Variants in PEX13 observed in about 807,000 individuals in gnomAD.
PEX13 encodes the protein peroxisome biogenesis factor 13.
PEX13 carries 28 observed loss-of-function variants against 34.5 expected under a neutral mutation model. The observed-to-expected ratio is 0.81, with a 90% CI of 0.60 to 1.11. The LOEUF is 1.11. Among genes scored for constraint, PEX13 ranks in the 50% most tolerant of loss-of-function variants. The pLI, the probability that PEX13 is intolerant of heterozygous loss-of-function variation, is 0.00. For missense variants in PEX13, 550 were observed against 491.0 expected (o/e 1.12, Z -1.13); for synonymous variants, 177 against 175.1 (o/e 1.01, Z -0.09).
chr2:61,017,720 A>T lies in PEX13; in HGVS notation c.-40A>T, dbSNP rs1254257951. 6.6e-7 allele frequency: 1 copy of T among 1,507,566 alleles called. No individual in the cohort carries two copies. The highest frequency in any genetic ancestry group is 9.0e-7 in the Non-Finnish European group (1 of 1,109,916). The allele number at this position is 1,507,566 out of a possible 1,614,324, so 93.4% of individuals were successfully genotyped here. A position where few individuals can be genotyped will look rare whatever the true frequency, so the allele number is the denominator to read the frequency against. On this transcript the variant is annotated 5_prime_UTR_variant, in exon 1 of 4. Transcript: ENST00000295030. ...GGTGCTGGTCTACGCGGGCCTGGAC[A>T]GTCAGGGGTAGGAGCGGGAGCCGAG...
chr2:61,045,609 T>C (rs1228914174), intron 2 of PEX13, 117 bp from the exon 3 acceptor site: 2 of 773,478 alleles, frequency 2.6e-6, no homozygotes, highest in South Asian at 1.5e-5. Flanking sequence ...TAGTTTTTAC[T>C]TGGGAGGGGA....
rs527355187 is a variant in PEX13 at position 61,051,697 on chromosome 2, T to G, written c.*2927T>G. On this transcript the variant is annotated 3_prime_UTR_variant, in exon 4 of 4. Coordinates refer to ENST00000295030, the MANE Select transcript of PEX13 (RefSeq NM_002618.4). The stretch of plus-strand genomic sequence containing the variant: ...ACTAACACACCAAAACATTATTAAT[T>G]AAATAAAATATAAGTTTACAATAAT... 1 of 152,300 alleles carries G rather than the reference T, an allele frequency of 6.6e-6. No homozygotes were observed. Among genetic ancestry groups the G allele is most frequent in the Admixed American group, 6.5e-5 (1 of 15,304 alleles). 9.4% of individuals were successfully genotyped at this position (152,300 alleles called of 1,614,324 possible). A position where few individuals can be genotyped will look rare whatever the true frequency, so the allele number is the denominator to read the frequency against.
chr2:61,024,115 T>C (rs1680311957), intron 1 of PEX13, among the ~76,000 whole-genome samples: 1 of 152,152 alleles, frequency 6.6e-6, no homozygotes, highest in African/African-American at 2.4e-5. Flanking sequence ...TCTTATTCTT[T>C]GCTCCTTTAA....
chr2:61,018,789 T>G (rs1416649689), intron 1 of PEX13: 1 of 152,390 alleles, frequency 6.6e-6, no homozygotes, highest in African/African-American at 2.4e-5. Flanking sequence ...TTGATTAGGC[T>G]GGTAAGCCAC....
intron 2 of PEX13, among the ~76,000 whole-genome samples, chr2:61,043,309 A>C (rs556408986): frequency 6.6e-6 from 1 of 150,778 alleles, no homozygotes; most frequent in South Asian, 2.1e-4. Flanking sequence ...ATCCTGGCTA[A>C]CGTGGTGAAA....
intron 1 of PEX13, chr2:61,018,254 C>T (rs566451812): frequency 3.9e-6 from 6 of 1,550,944 alleles, no homozygotes; most frequent in African/African-American, 1.4e-5. Context: ...AGCAAAGTCT[C>T]TCCTTAAAGG....
intron 2 of PEX13, among the ~76,000 whole-genome samples, chr2:61,038,302 C>T (rs1266084059): frequency 1.3e-5 from 2 of 152,010 alleles, no homozygotes; most frequent in African/African-American, 2.4e-5. Flanking sequence ...GAAACACACA[C>T]ACAAAAGAAT....
chr2:61,018,007 C>A, intron 1 of PEX13, 156 bp downstream of exon 1: 1 of 1,349,478 alleles, frequency 7.4e-7, no homozygotes, highest in Admixed American at 2.5e-5. Context: ...GGGGCGCTTA[C>A]CAGTGGGGAC....
rs771610641 is a variant in PEX13, at chr2:61,017,848, T to C, written c.89T>C (p.Phe30Ser). 1,296 of 1,550,418 alleles carry C rather than the reference T, an allele frequency of 8.4e-4. No individual in the cohort carries two copies. The highest frequency in any genetic ancestry group is 1.0e-3 in the Non-Finnish European group (1,154 of 1,146,730). The change falls in exon 1 of 4, where the codon TTC (phenylalanine) becomes TCC (serine). Residue 30 changes from phenylalanine (F) to serine (S), a missense_variant. Phe to Ser is a radical substitution (Grantham distance 155). Coordinates refer to ENST00000295030, the MANE Select transcript of PEX13 (RefSeq NM_002618.4). Reference sequence around the variant, plus strand: ...CCGGGACCAGGACCGGGCCCCACTTTCCAGTGAGTGTGGGATTCTTCAGGC... The same window carrying C: ...CCGGGACCAGGACCGGGCCCCACTTCCCAGTGAGTGTGGGATTCTTCAGGC... ...AGPGPGPGPTFQSADLGPTLM... is the reference protein window; with the variant it reads ...AGPGPGPGPTSQSADLGPTLM...
Position 61,040,711 on chromosome 2 carries a change from A to T in PEX13, c.788-5015A>T, listed in dbSNP as rs189901380. ...TGTAACAAACCGGCACACTGTGCACACGTACCCTAGAACTTAAAGTATTAA... is the reference window on the plus strand; with the variant it reads ...TGTAACAAACCGGCACACTGTGCACTCGTACCCTAGAACTTAAAGTATTAA... On this transcript the variant is annotated intron_variant, in intron 2 of 3. Coordinates refer to ENST00000295030, the MANE Select transcript of PEX13 (RefSeq NM_002618.4). Among the ~76,000 whole-genome samples, 38 of 150,942 alleles carry T rather than the reference A, an allele frequency of 2.5e-4. No individual in the cohort carries two copies. In the East Asian group the frequency reaches 7.0e-3, roughly 28 times the overall value.
At chr2:61,045,278 T>A (rs1680688073) in intron 2 of PEX13, among the ~76,000 whole-genome samples, 2 of 152,178 alleles carry the variant, frequency 1.3e-5, no homozygotes, top group African/African-American at 4.8e-5. Context: ...GAAATATCCT[T>A]CCCCCAAAAT....
chr2:61,018,961 C>A (rs188666201), intron 1 of PEX13: 12 of 152,252 alleles, frequency 7.9e-5, no homozygotes, highest in Admixed American at 3.9e-4. Context: ...ACACAGAGAC[C>A]AGTAGAGAGT....
At chr2:61,038,161 A>C (rs912788892) in intron 2 of PEX13, among the ~76,000 whole-genome samples, 2 of 152,340 alleles carry the variant, frequency 1.3e-5, no homozygotes, top group South Asian at 4.1e-4. Flanking sequence ...TTCACAGCCA[A>C]ATTCTGCCAG....
chr2:61,033,132 G>T (rs1266778005), intron 2 of PEX13, among the ~76,000 whole-genome samples: 3 of 152,170 alleles, frequency 2.0e-5, no homozygotes, highest in African/African-American at 7.2e-5. Flanking sequence ...TCAGCACGTT[G>T]TAATTAGGTG....
chr2:61,035,186 C>T (rs1178726323), intron 2 of PEX13, among the ~76,000 whole-genome samples: 2 of 152,196 alleles, frequency 1.3e-5, no homozygotes, highest in Non-Finnish European at 2.9e-5. Context: ...CAAACAGGGT[C>T]TGGAGTGGAC....
intron 1 of PEX13, among the ~76,000 whole-genome samples, chr2:61,019,796 C>T (rs931582158): frequency 6.6e-6 from 1 of 152,078 alleles, no homozygotes; most frequent in African/African-American, 2.4e-5. Context: ...CAAGAGTTTC[C>T]ACACATTGCT....
At chr2:61,036,735 A>C (rs892482064) in intron 2 of PEX13, among the ~76,000 whole-genome samples, 46 of 152,228 alleles carry the variant, frequency 3.0e-4, no homozygotes, top group Non-Finnish European at 7.3e-5. Flanking sequence ...CAAAATAACC[A>C]GTTAACATCA....
rs1278633971 is a variant in PEX13, at chr2:61,048,801, T to C, written c.*31T>C. 6.7e-7 allele frequency: 1 copy of C among 1,491,488 alleles called. No individual in the cohort carries two copies. Among genetic ancestry groups the C allele is most frequent in the Non-Finnish European group, 9.3e-7 (1 of 1,069,938 alleles). The allele number at this position is 1,491,488 out of a possible 1,614,324, so 92.4% of individuals were successfully genotyped here. On this transcript the variant is annotated 3_prime_UTR_variant, in exon 4 of 4. Transcript: ENST00000295030. ...TTCATGTTTGCCTGCAGTTGAACAA[T>C]ACTTTAGAGTACTTTTTAAAATTAT...
rs1297447604 is a variant in PEX13 at position 61,051,855 on chromosome 2, T to G, written c.*3085T>G. ...TCTGTCTGTGTCATAATTACACATTTACTTGAACACAGCTATCCTTTATCT... is the reference window on the plus strand; with the variant it reads ...TCTGTCTGTGTCATAATTACACATTGACTTGAACACAGCTATCCTTTATCT... On this transcript the variant is annotated 3_prime_UTR_variant, in exon 4 of 4. Transcript: ENST00000295030. 1.3e-5 allele frequency: 2 copies of G among 152,376 alleles called. No homozygotes were observed. The highest frequency in any genetic ancestry group is 2.9e-5 in the Non-Finnish European group (2 of 68,036). 9.4% of individuals were successfully genotyped at this position (152,376 alleles called of 1,614,324 possible). A position where few individuals can be genotyped will look rare whatever the true frequency, so the allele number is the denominator to read the frequency against.
Sources: allele counts gnomAD v4.1 joint callset (sites outside exome capture counted in the v4.1 genomes callset), GRCh38; gene constraint gnomAD v4.1.1; transcripts MANE v1.5; gene names NCBI Gene and HGNC (gene_info 2026-07-23, HGNC 2026-07-21).